ABCA13: variants seen among roughly 807,000 people sequenced by gnomAD.
The protein encoded by ABCA13 is ATP-binding cassette sub-family A member 13.
In ABCA13, 476 loss-of-function variants were observed where a neutral mutation model predicts 478.7. The ratio of observed to expected loss-of-function variants is 0.99; its 90% CI spans 0.92 to 1.07. ABCA13 has a LOEUF of 1.07. Among genes scored for constraint, ABCA13 ranks in the 50% least tolerant of loss-of-function variants. The pLI is 0.00. For missense variants in ABCA13, 6,060 were observed against 5,910.6 expected, an observed-to-expected ratio of 1.03 and a Z score of -0.83; for synonymous variants, 2,252 against 2,158.9, an observed-to-expected ratio of 1.04 and a Z score of -1.20.
At chr7:48,187,136 T>C (rs1008963388) in intron 1 of ABCA13, among the ~76,000 whole-genome samples, 1 of 150,812 alleles carries the variant, frequency 6.6e-6, no homozygotes, top group Admixed American at 6.6e-5. Flanking sequence ...GCCATTTAGC[T>C]GTGTGTCATT....
chr7:48,442,280 A>G (rs1170920288), intron 42 of ABCA13, among the ~76,000 whole-genome samples: 2 of 148,702 alleles, frequency 1.3e-5, no homozygotes, highest in African/African-American at 5.0e-5. Context: ...CCAAACTGCC[A>G]CAGACTGAGC....
At chr7:48,618,276 C>T (rs986896963) in intron 59 of ABCA13, among the ~76,000 whole-genome samples, 1 of 152,176 alleles carries the variant, frequency 6.6e-6, no homozygotes, top group African/African-American at 2.4e-5. Flanking sequence ...GAGTTGCTTT[C>T]TTGGGTCTTA....
chr7:48,253,914 G>A (rs62449183), intron 15 of ABCA13, among the ~76,000 whole-genome samples: 19,077 of 150,418 alleles, frequency 0.13, 1,235 homozygotes, highest in South Asian at 0.18. Flanking sequence ...TTTCTTATTA[G>A]GACTGTACTT....
intron 55 of ABCA13, among the ~76,000 whole-genome samples, chr7:48,535,390 AG>A (rs1250824874): frequency 2.0e-5 from 3 of 152,214 alleles, no homozygotes; most frequent in African/African-American, 7.2e-5. Flanking sequence ...CGTGGATACC[AG>A]CACCTGCTCA....
At chr7:48,283,958 A>G (rs1797388049) in intron 19 of ABCA13, among the ~76,000 whole-genome samples, 1 of 152,306 alleles carries the variant, frequency 6.6e-6, no homozygotes, top group East Asian at 1.9e-4. Context: ...ATTTCAACCT[A>G]TGTGAGAGGA....
chr7:48,273,016 A>G lies in ABCA13; in HGVS notation c.3350A>G (p.Glu1117Gly). Residue 1117 changes from glutamate to glycine, a missense_variant, in exon 17 of 62, where the codon GAG becomes GGG. Coordinates refer to ENST00000435803, the MANE Select transcript of ABCA13 (RefSeq NM_152701.5). ...TCCGTAAATTATTCAACAAGTGAGG[A>G]GTCTTCATTTGTTTTTCCATTGGCA... ...ISSVNYSTSEESSFVFPLAQI... is the reference protein window; with the variant it reads ...ISSVNYSTSEGSSFVFPLAQI... 6.2e-7 allele frequency: 1 copy of G among 1,613,664 alleles called. No individual in the cohort carries two copies. The highest frequency in any genetic ancestry group is 8.5e-7 in the Non-Finnish European group (1 of 1,179,740).
At chr7:48,481,525 C>T (rs1321230021) in intron 46 of ABCA13, among the ~76,000 whole-genome samples, 3 of 145,638 alleles carry the variant, frequency 2.1e-5, no homozygotes, top group African/African-American at 7.6e-5. Flanking sequence ...GGCAGAAGCA[C>T]GAGAGCCAGA....
chr7:48,323,465 G>T (rs937771475), intron 27 of ABCA13, among the ~76,000 whole-genome samples: 1 of 152,222 alleles, frequency 6.6e-6, no homozygotes, highest in African/African-American at 2.4e-5. Context: ...TTGCAGATAT[G>T]CAGTAGCTTT....
At chr7:48,173,078 C>T (rs1335859219) in intron 1 of ABCA13, among the ~76,000 whole-genome samples, 4 of 152,166 alleles carry the variant, frequency 2.6e-5, no homozygotes, top group African/African-American at 9.7e-5. Flanking sequence ...GCCAGACTGC[C>T]TACTCCTCCT....
At chr7:48,568,497 A>G (rs1044439758) in intron 55 of ABCA13, among the ~76,000 whole-genome samples, 4 of 152,042 alleles carry the variant, frequency 2.6e-5, no homozygotes, top group Non-Finnish European at 5.9e-5. Context: ...ACTTCTCTTT[A>G]TATGGGCTGG....
chr7:48,393,530 A>G (rs971833883), intron 38 of ABCA13, among the ~76,000 whole-genome samples: 4 of 152,216 alleles, frequency 2.6e-5, no homozygotes, highest in African/African-American at 9.7e-5. Context: ...ATTTTACAAT[A>G]TTTTTGCAAG....
At chr7:48,436,951 C>T (rs1299355861) in intron 42 of ABCA13, among the ~76,000 whole-genome samples, 4 of 151,632 alleles carry the variant, frequency 2.6e-5, no homozygotes, top group African/African-American at 9.7e-5. Context: ...GTGATCTATC[C>T]TTGAGAATGT....
At chr7:48,286,112 C>T (rs73697124) in intron 19 of ABCA13, among the ~76,000 whole-genome samples, 5,473 of 152,236 alleles carry the variant, frequency 0.036, 297 homozygotes, top group African/African-American at 0.12. Flanking sequence ...ATACTCCCTT[C>T]CCCACCATAG....
At chr7:48,379,121 A>C (rs1161051179) in intron 35 of ABCA13, among the ~76,000 whole-genome samples, 1 of 152,278 alleles carries the variant, frequency 6.6e-6, no homozygotes, top group Non-Finnish European at 1.5e-5. Flanking sequence ...ATACAAAGGC[A>C]TAGAGCTGAA....
intron 18 of ABCA13, among the ~76,000 whole-genome samples, chr7:48,280,642 C>T (rs1484160941): frequency 6.6e-6 from 1 of 152,062 alleles, no homozygotes; most frequent in Non-Finnish European, 1.5e-5. Context: ...CCTCTCTGGC[C>T]CACATGGAGA....
intron 28 of ABCA13, among the ~76,000 whole-genome samples, chr7:48,335,774 T>C (rs922455903): frequency 7.9e-5 from 12 of 152,260 alleles, no homozygotes; most frequent in African/African-American, 2.9e-4. Flanking sequence ...TAACTTTTTC[T>C]TTAAATTCTT....
intron 59 of ABCA13, among the ~76,000 whole-genome samples, chr7:48,632,262 T>C (rs1195959720): frequency 1.3e-5 from 2 of 152,152 alleles, no homozygotes; most frequent in African/African-American, 4.8e-5. Context: ...TGGCCATTTT[T>C]ATATTGGTTT....
intron 45 of ABCA13, among the ~76,000 whole-genome samples, chr7:48,480,327 C>T (rs929112708): frequency 6.6e-6 from 1 of 152,238 alleles, no homozygotes; most frequent in Non-Finnish European, 1.5e-5. Flanking sequence ...CTCATTGTTT[C>T]AGTGATTGGC....
chr7:48,272,046 T>C lies in ABCA13; in HGVS notation c.2380T>C (p.Leu794=), dbSNP rs1208492133. ...DPSATDAQKL[L]EFGNEVIWKM... Reference sequence around the variant, plus strand: ...ATCTGCCACTGATGCTCAGAAACTCTTGGAATTTGGCAACGAAGTGATTTG... The same window carrying C: ...ATCTGCCACTGATGCTCAGAAACTCCTGGAATTTGGCAACGAAGTGATTTG... The change falls in exon 17 of 62, where the codon TTG becomes CTG. Residue 794 remains leucine (L), a synonymous_variant. Coordinates refer to ENST00000435803, the MANE Select transcript of ABCA13 (RefSeq NM_152701.5). 1.2e-6 allele frequency: 2 copies of C among 1,613,656 alleles called. No homozygotes were observed. The highest frequency in any genetic ancestry group is 1.7e-6 in the Non-Finnish European group (2 of 1,179,776).
Sources: allele counts gnomAD v4.1 joint callset (sites outside exome capture counted in the v4.1 genomes callset), GRCh38; gene constraint gnomAD v4.1.1; transcripts MANE v1.5; gene names NCBI Gene and HGNC (gene_info 2026-07-23, HGNC 2026-07-21).